Variants in KLHL14 observed in about 807,000 individuals in gnomAD.
KLHL14 encodes kelch-like protein 14.
Under a neutral mutation model 64.3 loss-of-function variants are expected in KLHL14, and 22 were observed. The observed-to-expected ratio is 0.34, with a 90% CI of 0.24 to 0.49. KLHL14 has a LOEUF of 0.49. Among genes scored for constraint, KLHL14 ranks in the 20% least tolerant of loss-of-function variants. The pLI is 0.99. For synonymous variants in KLHL14, 322 were observed against 333.4 expected, an observed-to-expected ratio of 0.97 and a Z score of 0.37; for missense variants, 661 against 789.0, an observed-to-expected ratio of 0.84 and a Z score of 1.94.
At chr18:32,741,006 G>A (rs1255721744) in intron 3 of KLHL14, 3 of 152,106 alleles carry the variant, frequency 2.0e-5, no homozygotes, top group Non-Finnish European at 4.4e-5. Context: ...AATAAACATG[G>A]TAAAATATAT....
chr18:32,684,007 A>T (rs2144470632), intron 5 of KLHL14, among the ~76,000 whole-genome samples: 1 of 152,284 alleles, frequency 6.6e-6, no homozygotes, highest in East Asian at 1.9e-4. Context: ...CTTTGTTCTT[A>T]ACGCTTCCCA....
At chr18:32,735,020 A>G (rs975509953) in intron 3 of KLHL14, among the ~76,000 whole-genome samples, 1 of 152,202 alleles carries the variant, frequency 6.6e-6, no homozygotes, top group African/African-American at 2.4e-5. Context: ...TTTGTCACTT[A>G]CACGTCATAA....
chr18:32,718,282 A>G (rs531423751), intron 3 of KLHL14, among the ~76,000 whole-genome samples: 16 of 152,324 alleles, frequency 1.1e-4, no homozygotes, highest in African/African-American at 3.1e-4. Context: ...CCTACCTTTC[A>G]GGAGTTCGCC....
intron 5 of KLHL14, among the ~76,000 whole-genome samples, chr18:32,684,449 T>C (rs1304326423): frequency 1.3e-5 from 2 of 151,554 alleles, no homozygotes; most frequent in Non-Finnish European, 3.0e-5. Flanking sequence ...ATCTTACAAA[T>C]GCCCCGTCAA....
chr18:32,733,252 T>C (rs1568077354), intron 3 of KLHL14, among the ~76,000 whole-genome samples: 1 of 152,110 alleles, frequency 6.6e-6, no homozygotes, highest in Non-Finnish European at 1.5e-5. Context: ...CAACCACCAG[T>C]AAATTCTAAA....
Position 32,674,816 on chromosome 18 carries a change from G to A in KLHL14, c.1747-19C>T. On this transcript the variant is annotated intron_variant, in intron 8 of 8. Transcript: ENST00000359358. ...AGGCCCCCTGTAATGACAGAGGAGG[G>A]AGCATTTAGAGAAGGAAGCTAGAGA... 2 of 777,278 alleles carry A rather than the reference G, an allele frequency of 2.6e-6. No homozygotes were observed. The allele number at this position is 777,278 out of a possible 1,614,324, so 48.1% of individuals were successfully genotyped here. A position where few individuals can be genotyped will look rare whatever the true frequency, so the allele number is the denominator to read the frequency against.
chr18:32,680,692 A>AG lies in KLHL14; in HGVS notation c.1239-94dup. 8.0e-7 allele frequency: 1 copy of AG among 1,247,362 alleles called. No individual in the cohort carries two copies. The highest frequency in any genetic ancestry group is 1.4e-5 in the South Asian group (1 of 70,198). 77.3% of individuals were successfully genotyped at this position (1,247,362 alleles called of 1,614,324 possible). On this transcript the variant is annotated intron_variant, in intron 5 of 8. Transcript: ENST00000359358. This position sits in a 1 kb window ranked among gnomAD's most constrained non-coding sequence, Gnocchi z 4.8. ...AAGCACCACACAGCTAGTCAGGGAAAGGGGTGCATTCTGCTTCAGAAAGGG... is the reference window on the plus strand; with the variant it reads ...AAGCACCACACAGCTAGTCAGGGAAAGGGGGTGCATTCTGCTTCAGAAAGGG...
chr18:32,729,979 T>C (rs953860845), intron 3 of KLHL14, among the ~76,000 whole-genome samples: 1 of 152,224 alleles, frequency 6.6e-6, no homozygotes, highest in Non-Finnish European at 1.5e-5. Flanking sequence ...GTAGAATTGA[T>C]ACTTCAACAG....
At chr18:32,709,792 C>T (rs769832648) in intron 3 of KLHL14, among the ~76,000 whole-genome samples, 13 of 151,992 alleles carry the variant, frequency 8.6e-5, no homozygotes, top group Non-Finnish European at 1.8e-4. Flanking sequence ...ATAGTGGATG[C>T]CCAATAAGTG....
intron 3 of KLHL14, among the ~76,000 whole-genome samples, chr18:32,705,002 C>T (rs764485317): frequency 7.2e-5 from 11 of 152,034 alleles, no homozygotes; most frequent in Non-Finnish European, 1.2e-4. Context: ...ATCATGATTC[C>T]GAAAAGAGAT....
At chr18:32,728,899 A>G (rs1377836948) in intron 3 of KLHL14, among the ~76,000 whole-genome samples, 1 of 152,202 alleles carries the variant, frequency 6.6e-6, no homozygotes, top group Non-Finnish European at 1.5e-5. Context: ...ACGAGAAGTT[A>G]GGAAGGAGGA....
intron 3 of KLHL14, among the ~76,000 whole-genome samples, chr18:32,719,043 A>G (rs7242010): frequency 0.37 from 56,930 of 151,990 alleles, 12,825 homozygotes; most frequent in African/African-American, 0.64. Flanking sequence ...CTGCCTCCCG[A>G]GTTCAAGTGA....
rs535008432 is a variant in KLHL14 at position 32,747,333 on chromosome 18, C to G, written c.948-5284G>C. Reference sequence around the variant, plus strand: ...TTCTATTATTATATTTCTATTATTACATTGTAATATATAATAAAACAATTA... The same window carrying G: ...TTCTATTATTATATTTCTATTATTAGATTGTAATATATAATAAAACAATTA... On this transcript the variant is annotated intron_variant, in intron 2 of 8. Coordinates refer to ENST00000359358, the MANE Select transcript of KLHL14 (RefSeq NM_020805.3). 6.6e-5 allele frequency among the ~76,000 whole-genome samples: 10 copies of G among 152,244 alleles called. 2 individuals carry two copies. In the South Asian group the frequency reaches 1.0e-3, roughly 16 times the overall value.
At chr18:32,727,130 G>A (rs1465875101) in intron 3 of KLHL14, among the ~76,000 whole-genome samples, 1 of 152,188 alleles carries the variant, frequency 6.6e-6, no homozygotes, top group Non-Finnish European at 1.5e-5. Context: ...ATTTGTGAAT[G>A]ACTAAATTTT....
At position 32,770,764 on chromosome 18, in the gene KLHL14, C is replaced by A. The variant is rs963834403; in HGVS notation, c.-43-130G>T. ...ACAAGAATCAAGGCTCAGCTTGACT[C>A]CCTCCTGGCGCGCTCCGGACCCCGA... On this transcript the variant is annotated intron_variant, in intron 1 of 8. Transcript: ENST00000359358. This position sits in a 1 kb window ranked among gnomAD's most constrained non-coding sequence, Gnocchi z 6.7. 5.5e-5 allele frequency: 33 copies of A among 597,054 alleles called. No homozygotes were observed. Among genetic ancestry groups the A allele is most frequent in the Non-Finnish European group, 8.6e-5 (32 of 372,818 alleles). 37.0% of individuals were successfully genotyped at this position (597,054 alleles called of 1,614,324 possible).
chr18:32,762,396 C>CT (rs1285950802), intron 2 of KLHL14, among the ~76,000 whole-genome samples: 1 of 151,866 alleles, frequency 6.6e-6, no homozygotes, highest in Admixed American at 6.6e-5. Flanking sequence ...CTTTTTCTTC[C>CT]TTTTTCAGAT....
chr18:32,680,432 T>C lies in KLHL14; in HGVS notation c.1406A>G (p.His469Arg), dbSNP rs770792788. The change falls in exon 6 of 9, where the codon CAC (histidine) becomes CGC (arginine). Residue 469 changes from histidine to arginine, a missense_variant. Physicochemically the swap from His to Arg is conservative, Grantham distance 29. Around this residue, in one of 2 missense-constraint regions of KLHL14, gnomAD observed 330 missense variants for 450.0 expected, o/e 0.73. Transcript: ENST00000359358. This position sits in a 1 kb window ranked among gnomAD's most constrained non-coding sequence, Gnocchi z 4.8. ...GCCTGAAATGTATATTTTCCCATTG[T>C]GCACTGCTCCCGCATGAGCCGCCAG... ...QPLAAHAGAV[H>R]NGKIYISGGV... The C allele has an allele frequency of 6.2e-7, 1 of 1,614,024 alleles. No homozygotes were observed. The highest frequency in any genetic ancestry group is 1.1e-5 in the South Asian group (1 of 91,080).
At chr18:32,772,491 C>T (rs907526889) in intron 1 of KLHL14, among the ~76,000 whole-genome samples, 176 bp downstream of exon 1, 1 of 151,904 alleles carries the variant, frequency 6.6e-6, no homozygotes, top group Non-Finnish European at 1.5e-5. Flanking sequence ...TCTCCCTTGC[C>T]TTTCCTCCTC....
Position 32,683,638 on chromosome 18 carries a change from C to T in KLHL14, c.1239-3039G>A, listed in dbSNP as rs1000395942. On this transcript the variant is annotated intron_variant, in intron 5 of 8. Transcript: ENST00000359358. This position sits in a 1 kb window ranked among gnomAD's most constrained non-coding sequence, Gnocchi z 4.2. ...TTCATCTCTCCCTCCTTCAGCCTCC[C>T]CTGCCCCCACTGCCAGAAGCAATAT... Among the ~76,000 whole-genome samples, 1 of 152,164 alleles carries T rather than the reference C, an allele frequency of 6.6e-6. No individual in the cohort carries two copies. Among genetic ancestry groups the T allele is most frequent in the Non-Finnish European group, 1.5e-5 (1 of 68,030 alleles).
Sources: allele counts gnomAD v4.1 joint callset (sites outside exome capture counted in the v4.1 genomes callset), GRCh38; gene constraint gnomAD v4.1.1; regional missense constraint gnomAD v4.1.1; non-coding constraint Gnocchi (gnomAD v3.1); transcripts MANE v1.5; gene names NCBI Gene and HGNC (gene_info 2026-07-23, HGNC 2026-07-21).